The following TUBGCP6 variants were observed in gnomAD, a reference collection of about 807,000 sequenced individuals.
TUBGCP6 encodes tubulin gamma complex component 6.
Under a neutral mutation model 175.8 loss-of-function variants are expected in TUBGCP6, and 161 were observed. The ratio of observed to expected loss-of-function variants is 0.92; its 90% CI spans 0.81 to 1.04. The LOEUF (loss-of-function observed/expected upper bound fraction) is 1.04. Among genes scored for constraint, TUBGCP6 ranks in the 50% least tolerant of loss-of-function variants. The pLI is 0.00. For synonymous variants in TUBGCP6, 1,173 were observed against 1,030.5 expected (o/e 1.14, Z -2.65); for missense variants, 2,572 against 2,433.0 (o/e 1.06, Z -1.20).
intron 3 of TUBGCP6, among the ~76,000 whole-genome samples, 165 bp from the exon 4 acceptor site, chr22:50,229,742 C>G (rs924918635): frequency 1.4e-4 from 21 of 152,134 alleles, no homozygotes; most frequent in African/African-American, 5.1e-4. Flanking sequence ...CACCGAGGGA[C>G]CAAACCGAGG....
In TUBGCP6 at chr22:50,219,811, A is replaced by T. The variant is rs766478373; in HGVS notation, c.4168-20T>A. On this transcript the variant is annotated intron_variant, in intron 17 of 24. Coordinates refer to ENST00000248846, the MANE Select transcript of TUBGCP6 (RefSeq NM_020461.4). ...GTCTTCCTAACAAAACACCAGCCTC[A>T]GAACCACCTCCCCACTGCACGCTGT... is the stretch of plus-strand genomic sequence containing the variant. The T allele has an allele frequency of 7.3e-5, 118 of 1,610,670 alleles. 1 individual carries two copies. The highest frequency in any genetic ancestry group is 9.8e-5 in the Non-Finnish European group (115 of 1,177,592).
At chr22:50,236,213 G>T (rs75286427) in intron 2 of TUBGCP6, among the ~76,000 whole-genome samples, 6,831 of 151,920 alleles carry the variant, frequency 0.045, 529 homozygotes, top group African/African-American at 0.16. Context: ...TTGGCCCATT[G>T]CAACCTCTGC....
intron 24 of TUBGCP6, 23 bp from the exon 25 acceptor site, chr22:50,217,850 G>C (rs1296851112): frequency 6.2e-6 from 10 of 1,612,828 alleles, no homozygotes; most frequent in Non-Finnish European, 8.5e-6. Context: ...GAGCAGCTCA[G>C]GCTTTTGCCC....
intron 4 of TUBGCP6, among the ~76,000 whole-genome samples, 188 bp downstream of exon 4, chr22:50,229,216 G>C (rs1156753363): frequency 6.6e-6 from 1 of 152,140 alleles, no homozygotes; most frequent in East Asian, 1.9e-4. Context: ...TCTGCCCCAA[G>C]TTTCTAGTGA....
intron 13 of TUBGCP6, 54 bp downstream of exon 13, chr22:50,224,087 C>T: frequency 6.6e-7 from 1 of 1,519,454 alleles, no homozygotes; most frequent in South Asian, 1.1e-5. Context: ...TAAGCCAGAG[C>T]TATGGGGCCC....
In TUBGCP6 at chr22:50,218,392, G is replaced by C. The variant is rs1348357365; in HGVS notation, c.4965C>G (p.Ser1655Arg). 1.2e-6 allele frequency: 2 copies of C among 1,612,902 alleles called. No homozygotes were observed. Among genetic ancestry groups the C allele is most frequent in the Non-Finnish European group, 1.7e-6 (2 of 1,179,940 alleles). ...GGAACTGCACAGAGCCGGCCATGTG[G>C]CTCAGCAGGGCTGGCGGAGGGCAGA... The part of the protein sequence containing the change: ...CFHLKRTALL[S>R]HMAGSVQFRQ... The change falls in exon 23 of 25, where the codon AGC becomes AGG. Residue 1655 changes from serine (S) to arginine (R), a missense_variant. Transcript: ENST00000248846.
In TUBGCP6 at chr22:50,221,079, C is replaced by T. The variant is rs760600294; in HGVS notation, c.3280G>A (p.Val1094Met). ...GGCCGAGTGGGAGCCACATCTGACA[C>T]AGACTCCCCTAAGCTGATGCTGGCA... ...SNASISLGES[V>M]SDVAPTRPRW... is the part of the protein sequence containing the mutation. Residue 1094 changes from valine to methionine, a missense_variant, in exon 16 of 25, where the codon GTG (valine) becomes ATG (methionine). Val to Met is a conservative substitution (Grantham distance 21, BLOSUM62 1). Transcript: ENST00000248846. The T allele has an allele frequency of 2.4e-5, 38 of 1,613,024 alleles. No individual in the cohort carries two copies. The highest frequency in any genetic ancestry group is 3.1e-5 in the Non-Finnish European group (37 of 1,179,754).
At position 50,217,988 on chromosome 22, in the gene TUBGCP6, C is replaced by T. The variant is rs370845579; in HGVS notation, c.5298G>A (p.Glu1766=). The part of the protein sequence containing the change: ...WGPPGGPRGA[E]HPNFALMQQS... ...GCTGCATGAGTGCAAAGTTGGGGTG[C>T]TCTGCACCCCGCGGGCCCCCAGGGG... The change falls in exon 24 of 25, where the codon GAG becomes GAA. Residue 1766 remains glutamate, a synonymous_variant. Coordinates refer to ENST00000248846, the MANE Select transcript of TUBGCP6 (RefSeq NM_020461.4). 6 of 1,611,464 alleles carry T rather than the reference C, an allele frequency of 3.7e-6. No homozygotes were observed. Among genetic ancestry groups the T allele is most frequent in the African/African-American group, 2.7e-5 (2 of 74,854 alleles).
intron 4 of TUBGCP6, 32 bp from the exon 5 acceptor site, chr22:50,228,060 C>T (rs757789071): frequency 1.3e-5 from 19 of 1,510,174 alleles, no homozygotes; most frequent in Middle Eastern, 4.3e-4. Context: ...GGAGGGCGGC[C>T]AGGCACATGG....
At chr22:50,237,018 C>A (rs77044695) in intron 2 of TUBGCP6, among the ~76,000 whole-genome samples, 1 of 152,196 alleles carries the variant, frequency 6.6e-6, no homozygotes, top group Non-Finnish European at 1.5e-5. Flanking sequence ...GAACACCCCC[C>A]GCCCCAACAG....
rs774212459 is a variant in TUBGCP6, at chr22:50,231,459, GA to G, written c.1116+1856del. 4.4e-4 allele frequency among the ~76,000 whole-genome samples: 61 copies of G among 138,686 alleles called. 1 individual carries two copies. In the East Asian group the frequency reaches 8.4e-3, roughly 19 times the overall value. The allele number at this position is 138,686 out of a possible 152,430, so 91.0% of individuals were successfully genotyped here. A position where few individuals can be genotyped will look rare whatever the true frequency, so the allele number is the denominator to read the frequency against. ...ACAGAGTGAGAATCCGTCTCAAAAA[GA>G]AAAAAAAAATACAAAATAGAAAAAC... On this transcript the variant is annotated intron_variant, in intron 3 of 24. Coordinates refer to ENST00000248846, the MANE Select transcript of TUBGCP6 (RefSeq NM_020461.4).
intron 3 of TUBGCP6, among the ~76,000 whole-genome samples, chr22:50,232,259 G>A (rs553335973): frequency 1.8e-4 from 27 of 151,216 alleles, no homozygotes; most frequent in African/African-American, 6.6e-4. Flanking sequence ...CCAGCTACTC[G>A]GGAGGCTGAG....
intron 7 of TUBGCP6, 72 bp from the exon 8 acceptor site, chr22:50,226,450 G>T: frequency 7.1e-7 from 1 of 1,404,738 alleles, no homozygotes; most frequent in Non-Finnish European, 9.9e-7. Flanking sequence ...TCAGTGAGGG[G>T]TGGGACAGGG....
rs763663956 is a variant in TUBGCP6 at position 50,218,404 on chromosome 22, TGGCGGAGGGCAGAA to T, written c.4955-16_4955-3del. On this transcript the variant is annotated splice_region_variant and splice_polypyrimidine_tract_variant and intron_variant, in intron 22 of 24. Transcript: ENST00000248846. Reference sequence around the variant, plus strand: ...AGCCGGCCATGTGGCTCAGCAGGGCTGGCGGAGGGCAGAAGGCAGAGGGCAGAGGTGAGCGCAGC... The same window carrying T: ...AGCCGGCCATGTGGCTCAGCAGGGCTGGCAGAGGGCAGAGGTGAGCGCAGC... 1.2e-6 allele frequency: 2 copies of T among 1,612,930 alleles called. No individual in the cohort carries two copies. Among genetic ancestry groups the T allele is most frequent in the Non-Finnish European group, 1.7e-6 (2 of 1,179,870 alleles).
At chr22:50,224,651 A>C in intron 10 of TUBGCP6, 59 bp from the exon 11 acceptor site, 2 of 1,574,488 alleles carry the variant, frequency 1.3e-6, no homozygotes, top group Non-Finnish European at 1.7e-6. Context: ...TCACGCCTGT[A>C]ATCCTGGCAC....
rs1430319669 is a variant in TUBGCP6, at chr22:50,233,411, C to A, written c.1021G>T (p.Ala341Ser). Residue 341 changes from alanine to serine, a missense_variant, in exon 3 of 25, where the codon GCC becomes TCC. By Grantham distance (99) the Ala-to-Ser change is moderately conservative. Transcript: ENST00000248846. ...TCCTTCACCAGCACGGGCTGCGGGG[C>A]CTGTAGGACGCCCCCAGCAAGCAGC... ...LQLLAGGVLQ[A>S]PQPVLVKECE... 1.2e-6 allele frequency: 2 copies of A among 1,613,816 alleles called. No homozygotes were observed. Among genetic ancestry groups the A allele is most frequent in the East Asian group, 4.5e-5 (2 of 44,888 alleles).
chr22:50,217,869 AGCCCCGCCCT>A (rs1373225146), intron 24 of TUBGCP6, 39 bp downstream of exon 24: 1 of 1,608,324 alleles, frequency 6.2e-7, no homozygotes, highest in Non-Finnish European at 8.5e-7. Context: ...CCACAGTGTG[AGCCCCGCCCT>A]GGCCCCCCCG....
chr22:50,230,452 C>T (rs1437063105), intron 3 of TUBGCP6, among the ~76,000 whole-genome samples: 1 of 151,676 alleles, frequency 6.6e-6, no homozygotes, highest in Non-Finnish European at 1.5e-5. Flanking sequence ...ACTAAAAATA[C>T]AAAAATTAGC....
At chr22:50,234,355 A>ACGG (rs2064736393) in intron 2 of TUBGCP6, among the ~76,000 whole-genome samples, 4 of 123,134 alleles carry the variant, frequency 3.2e-5, no homozygotes, top group Non-Finnish European at 5.1e-5. Flanking sequence ...ACCCCTGTCC[A>ACGG]CAGCAGCATC....
Sources: allele counts gnomAD v4.1 joint callset (sites outside exome capture counted in the v4.1 genomes callset), GRCh38; gene constraint gnomAD v4.1.1; transcripts MANE v1.5; gene names NCBI Gene and HGNC (gene_info 2026-07-23, HGNC 2026-07-21).